ADAM19: variants seen among roughly 807,000 people sequenced by gnomAD.
ADAM19 encodes disintegrin and metalloproteinase domain-containing protein 19.
ADAM19 carries 65 observed loss-of-function variants against 114.7 expected under a neutral mutation model. That is an observed-to-expected ratio of 0.57 (90% CI 0.46 to 0.70). The LOEUF (loss-of-function observed/expected upper bound fraction) is 0.70. ADAM19 is among the 30% of genes least tolerant of loss of function. ADAM19 has a pLI of 0.00. For missense variants in ADAM19, 1,063 were observed against 1,204.7 expected (o/e 0.88, Z 1.74); for synonymous variants, 466 against 460.5 (o/e 1.01, Z -0.15).
chr5:157,488,983 T>A, intron 20 of ADAM19, 119 bp downstream of exon 20: 1 of 737,638 alleles, frequency 1.4e-6, no homozygotes, highest in Non-Finnish European at 2.3e-6. Context: ...TGAGCTGAGA[T>A]GGCGCCACTG....
intron 3 of ADAM19, among the ~76,000 whole-genome samples, chr5:157,563,258 T>A (rs372582442): frequency 5.9e-5 from 9 of 152,286 alleles, no homozygotes; most frequent in African/African-American, 2.2e-4. Context: ...TCCCCATCTT[T>A]CTGGCTTCCC....
chr5:157,499,195 G>A (rs951819797), intron 13 of ADAM19, among the ~76,000 whole-genome samples: 3 of 151,780 alleles, frequency 2.0e-5, no homozygotes, highest in Admixed American at 6.6e-5. Context: ...ATGAGATAAC[G>A]TACATAAAAT....
chr5:157,489,006 G>T, intron 20 of ADAM19, 96 bp downstream of exon 20: 1 of 948,288 alleles, frequency 1.1e-6, no homozygotes, highest in Non-Finnish European at 1.7e-6. Context: ...CTCCAGCCTG[G>T]GCGACAGGGC....
chr5:157,558,299 C>T (rs1229009268), intron 3 of ADAM19, among the ~76,000 whole-genome samples: 3 of 152,234 alleles, frequency 2.0e-5, no homozygotes, highest in African/African-American at 7.2e-5. Context: ...ACTGTTTCCT[C>T]AGCACCTGTC....
chr5:157,561,783 C>T (rs1195385593), intron 3 of ADAM19, among the ~76,000 whole-genome samples: 2 of 152,162 alleles, frequency 1.3e-5, no homozygotes, highest in African/African-American at 4.8e-5. Context: ...GCACAGCACC[C>T]ATCACCTGAC....
At chr5:157,489,851 G>C (rs1479977600) in intron 19 of ADAM19, among the ~76,000 whole-genome samples, 1 of 152,168 alleles carries the variant, frequency 6.6e-6, no homozygotes, top group Non-Finnish European at 1.5e-5. Flanking sequence ...GCTGGGTATG[G>C]TGGCATGCAC....
chr5:157,481,646 A>C (rs1754751193), intron 22 of ADAM19, 145 bp downstream of exon 22: 3 of 1,551,334 alleles, frequency 1.9e-6, no homozygotes. Flanking sequence ...ACCAAGAAAC[A>C]TGAATGTTTT....
chr5:157,575,336 AG>A (rs759978848), intron 1 of ADAM19, among the ~76,000 whole-genome samples: 22 of 152,228 alleles, frequency 1.4e-4, no homozygotes, highest in Non-Finnish European at 2.8e-4. Flanking sequence ...GCAGAAAAAC[AG>A]AGGAAGGAGA....
At chr5:157,556,218 T>C (rs1235141558) in intron 3 of ADAM19, among the ~76,000 whole-genome samples, 4 of 129,930 alleles carry the variant, frequency 3.1e-5, no homozygotes, top group South Asian at 5.5e-4. Flanking sequence ...TCTTTTTTTT[T>C]TTTTTTTTTT....
intron 11 of ADAM19, among the ~76,000 whole-genome samples, chr5:157,504,577 G>A (rs770287077): frequency 6.6e-6 from 1 of 152,070 alleles, no homozygotes; most frequent in African/African-American, 2.4e-5. Flanking sequence ...TGTCACAGCT[G>A]AGAAATAATT....
At chr5:157,542,372 TC>T (rs1756939248) in intron 3 of ADAM19, among the ~76,000 whole-genome samples, 1 of 152,178 alleles carries the variant, frequency 6.6e-6, no homozygotes, top group African/African-American at 2.4e-5. Flanking sequence ...CTAATCACCT[TC>T]CAAAAGTCTA....
chr5:157,525,983 C>G (rs987304824), intron 5 of ADAM19, among the ~76,000 whole-genome samples: 2 of 152,104 alleles, frequency 1.3e-5, no homozygotes, highest in African/African-American at 4.8e-5. Flanking sequence ...TTGCATACCT[C>G]TGAAAGACTT....
Position 157,547,970 on chromosome 5 carries a change from T to C in ADAM19, c.252-9979A>G, listed in dbSNP as rs1581345908. 2.0e-5 allele frequency among the ~76,000 whole-genome samples: 3 copies of C among 152,358 alleles called. No homozygotes were observed. In the South Asian group the frequency reaches 6.2e-4, roughly 32 times the overall value. On this transcript the variant is annotated intron_variant, in intron 3 of 22. Transcript: ENST00000257527. ...GGCCCTTTAAGGACTCACCTCTGCCTGCCTCACCAATTTCTTCTCTCATCA... is the reference window on the plus strand; with the variant it reads ...GGCCCTTTAAGGACTCACCTCTGCCCGCCTCACCAATTTCTTCTCTCATCA...
In ADAM19 at chr5:157,479,345, A is replaced by T; in HGVS notation, c.*1604T>A. 1.0e-6 allele frequency: 1 copy of T among 986,026 alleles called. No individual in the cohort carries two copies. The highest frequency in any genetic ancestry group is 1.2e-6 in the Non-Finnish European group (1 of 830,064). The allele number at this position is 986,026 out of a possible 1,614,324, so 61.1% of individuals were successfully genotyped here. A position where few individuals can be genotyped will look rare whatever the true frequency, so the allele number is the denominator to read the frequency against. On this transcript the variant is annotated 3_prime_UTR_variant, in exon 23 of 23. Transcript: ENST00000257527. ...CCCTGGGGTGGTGAATCAGAAGCTC[A>T]GCCTCAGCCTTGCAGTGAGGTTTTC...
intron 3 of ADAM19, among the ~76,000 whole-genome samples, chr5:157,550,810 G>A (rs1309002727): frequency 6.6e-6 from 1 of 152,180 alleles, no homozygotes; most frequent in African/African-American, 2.4e-5. Flanking sequence ...TAAACTTGCA[G>A]AGGAGCCAAG....
intron 14 of ADAM19, among the ~76,000 whole-genome samples, chr5:157,495,712 C>A (rs944479867): frequency 3.9e-5 from 6 of 152,142 alleles, no homozygotes; most frequent in East Asian, 3.9e-4. Context: ...CAGCTCACTG[C>A]AACCTCTGCC....
intron 1 of ADAM19, 46 bp downstream of exon 1, chr5:157,575,557 G>T: frequency 7.2e-7 from 1 of 1,395,172 alleles, no homozygotes; most frequent in African/African-American, 1.5e-5. Flanking sequence ...CTACTCCCAG[G>T]TCTCCGGGCC....
intron 14 of ADAM19, 84 bp from the exon 15 acceptor site, chr5:157,494,879 G>C (rs1755305905): frequency 1.1e-5 from 12 of 1,108,324 alleles, no homozygotes; most frequent in Non-Finnish European, 1.6e-5. Flanking sequence ...AGTCATGAAG[G>C]TAAGAATATT....
intron 15 of ADAM19, among the ~76,000 whole-genome samples, chr5:157,493,554 A>C (rs1198559463): frequency 6.6e-6 from 1 of 152,130 alleles, no homozygotes; most frequent in East Asian, 1.9e-4. Flanking sequence ...TCCTGGGCTC[A>C]AGCCATTTTC....
Sources: gnomAD v4.1 joint callset for allele counts (sites outside exome capture counted in the v4.1 genomes callset) on GRCh38, gnomAD v4.1.1 for gene constraint, MANE v1.5 for transcripts, NCBI Gene and HGNC (gene_info 2026-07-23, HGNC 2026-07-21) for gene names.